SNTG2: variants seen among roughly 807,000 people sequenced by gnomAD.
SNTG2 encodes gamma-2-syntrophin.
Under a neutral mutation model 70.9 loss-of-function variants are expected in SNTG2, and 74 were observed. The ratio of observed to expected loss-of-function variants is 1.04; its 90% CI spans 0.86 to 1.27. The LOEUF (loss-of-function observed/expected upper bound fraction) is 1.27. SNTG2 is among the 50% of genes most tolerant of loss of function. SNTG2 has a pLI of 0.00. For missense variants in SNTG2, 717 were observed against 690.7 expected, an observed-to-expected ratio of 1.04 and a Z score of -0.43; for synonymous variants, 278 against 273.8, an observed-to-expected ratio of 1.02 and a Z score of -0.15.
intron 16 of SNTG2, among the ~76,000 whole-genome samples, chr2:1,357,222 C>T (rs1214918708): frequency 2.0e-5 from 3 of 152,102 alleles, no homozygotes; most frequent in African/African-American, 7.2e-5. Flanking sequence ...CAAAAGTGGG[C>T]ATAATCTTAG....
chr2:994,252 A>G (rs1661600287), intron 1 of SNTG2, among the ~76,000 whole-genome samples: 2 of 152,098 alleles, frequency 1.3e-5, no homozygotes, highest in African/African-American at 4.8e-5. Flanking sequence ...CATATTTTCA[A>G]AAGTCTTTTC....
intron 7 of SNTG2, among the ~76,000 whole-genome samples, chr2:1,167,128 T>C (rs1416939290): frequency 1.3e-5 from 2 of 152,180 alleles, no homozygotes; most frequent in Non-Finnish European, 2.9e-5. Flanking sequence ...CTGATTAACA[T>C]AGGCCACCCA....
chr2:1,333,747 G>T (rs1450347731), intron 16 of SNTG2, among the ~76,000 whole-genome samples: 1 of 152,168 alleles, frequency 6.6e-6, no homozygotes, highest in Non-Finnish European at 1.5e-5. Context: ...GCAGAAAAAT[G>T]AAAGTGGATC....
chr2:1,098,360 C>G lies in SNTG2; in HGVS notation c.275C>G (p.Ser92Cys). 1 of 1,613,986 alleles carries G rather than the reference C, an allele frequency of 6.2e-7. No individual in the cohort carries two copies. The highest frequency in any genetic ancestry group is 2.2e-5 in the East Asian group (1 of 44,878). The change falls in exon 4 of 17, where the codon TCT becomes TGT. Residue 92 changes from serine to cysteine, a missense_variant. Coordinates refer to ENST00000308624, the MANE Select transcript of SNTG2 (RefSeq NM_018968.4). ...GGLGLSIKGG[S>C]EHNVPVVISK... ...GATGGCTTTGTCTTTCAGGGAGGTT[C>G]TGAGCACAACGTCCCTGTCGTCATA...
chr2:1,119,247 A>C (rs1440466558), intron 4 of SNTG2, among the ~76,000 whole-genome samples: 1 of 152,226 alleles, frequency 6.6e-6, no homozygotes, highest in East Asian at 1.9e-4. Flanking sequence ...GATGGATTTC[A>C]TAATCACTAT....
chr2:1,101,327 T>C lies in SNTG2; in HGVS notation c.325+2917T>C, dbSNP rs10427220. Among the ~76,000 whole-genome samples the C allele has an allele frequency of 8.4e-3, 1,272 of 152,318 alleles. 13 individuals carry two copies. The highest frequency in any genetic ancestry group is 0.029 in the African/African-American group (1,215 of 41,572). On this transcript the variant is annotated intron_variant, in intron 4 of 16. Transcript: ENST00000308624. ...CTTGGAGATGAACTTACATGGTTCCTCCCTGCACCTGCCTCTCCCCACTGG... is the reference window on the plus strand; with the variant it reads ...CTTGGAGATGAACTTACATGGTTCCCCCCTGCACCTGCCTCTCCCCACTGG...
intron 1 of SNTG2, among the ~76,000 whole-genome samples, chr2:1,041,496 T>G (rs530645643): frequency 6.6e-6 from 1 of 152,328 alleles, no homozygotes; most frequent in Non-Finnish European, 1.5e-5. Flanking sequence ...AGTTGAATTG[T>G]GATCTCCAGT....
intron 6 of SNTG2, among the ~76,000 whole-genome samples, chr2:1,145,340 C>A (rs548137045): frequency 4.6e-5 from 7 of 152,086 alleles, no homozygotes; most frequent in African/African-American, 1.7e-4. Context: ...AGCCAATAGC[C>A]AGGCTACATA....
chr2:1,127,467 A>G (rs1431735887), intron 4 of SNTG2, among the ~76,000 whole-genome samples: 1 of 151,696 alleles, frequency 6.6e-6, no homozygotes, highest in Non-Finnish European at 1.5e-5. Flanking sequence ...AAATTTTACA[A>G]TTTTCTTTTT....
chr2:1,187,347 A>AC (rs1396977386), intron 8 of SNTG2, among the ~76,000 whole-genome samples: 1 of 151,980 alleles, frequency 6.6e-6, no homozygotes, highest in Non-Finnish European at 1.5e-5. Flanking sequence ...AAGCACATGG[A>AC]CCTCCCTAAT....
intron 8 of SNTG2, among the ~76,000 whole-genome samples, chr2:1,175,861 G>A (rs1264344696): frequency 6.6e-6 from 1 of 152,218 alleles, no homozygotes; most frequent in Non-Finnish European, 1.5e-5. Flanking sequence ...GGAAAGGTCA[G>A]ACAGTCTTTG....
intron 14 of SNTG2, among the ~76,000 whole-genome samples, chr2:1,302,808 T>C (rs993639246): frequency 4.6e-5 from 7 of 152,128 alleles, no homozygotes; most frequent in Non-Finnish European, 7.3e-5. Flanking sequence ...AGATAACTCA[T>C]GTAACCTTGA....
At chr2:1,174,149 A>C (rs940584275) in intron 8 of SNTG2, among the ~76,000 whole-genome samples, 1 of 152,220 alleles carries the variant, frequency 6.6e-6, no homozygotes, top group Non-Finnish European at 1.5e-5. Context: ...ATGAAATTGC[A>C]GTTCTAAGCA....
At chr2:1,084,734 G>A (rs1039970671) in intron 2 of SNTG2, among the ~76,000 whole-genome samples, 4 of 152,204 alleles carry the variant, frequency 2.6e-5, no homozygotes, top group African/African-American at 4.8e-5. Context: ...CAAGGTGCCC[G>A]CAGGCTGGGT....
intron 8 of SNTG2, among the ~76,000 whole-genome samples, chr2:1,174,416 G>C (rs1671338616): frequency 6.6e-6 from 1 of 152,040 alleles, no homozygotes; most frequent in African/African-American, 2.4e-5. Flanking sequence ...TTTGCTGTAT[G>C]ATATTTCACT....
Position 1,139,142 on chromosome 2 carries a change from A to G in SNTG2, c.411+1333A>G, listed in dbSNP as rs547786674. 1.8e-4 allele frequency among the ~76,000 whole-genome samples: 27 copies of G among 152,382 alleles called. No individual in the cohort carries two copies. In the South Asian group the frequency reaches 5.6e-3, roughly 32 times the overall value. Reference sequence around the variant, plus strand: ...TGGGAAAACACATCACAATTGATAGAGAGGCAAGACACACCTTCATGACTT... The same window carrying G: ...TGGGAAAACACATCACAATTGATAGGGAGGCAAGACACACCTTCATGACTT... On this transcript the variant is annotated intron_variant, in intron 6 of 16. Transcript: ENST00000308624.
intron 13 of SNTG2, among the ~76,000 whole-genome samples, chr2:1,259,888 C>T (rs1678327599): frequency 6.6e-6 from 1 of 152,222 alleles, no homozygotes; most frequent in South Asian, 2.1e-4. Flanking sequence ...CTCCAGGGGA[C>T]ACACCTCACT....
intron 1 of SNTG2, among the ~76,000 whole-genome samples, chr2:1,015,269 T>G (rs1237920283): frequency 3.9e-5 from 6 of 152,054 alleles, no homozygotes; most frequent in Non-Finnish European, 8.8e-5. Flanking sequence ...GGATTCAATG[T>G]CTAGTTAAAG....
intron 1 of SNTG2, among the ~76,000 whole-genome samples, chr2:979,145 A>C (rs780910109): frequency 8.5e-5 from 13 of 152,200 alleles, no homozygotes; most frequent in Non-Finnish European, 1.9e-4. Context: ...TGAAAATATT[A>C]CCATGGCCTT....
Sources: allele counts gnomAD v4.1 joint callset (sites outside exome capture counted in the v4.1 genomes callset), GRCh38; gene constraint gnomAD v4.1.1; transcripts MANE v1.5; gene names NCBI Gene and HGNC (gene_info 2026-07-23, HGNC 2026-07-21).